PHLDB2: variants seen among roughly 807,000 people sequenced by gnomAD.
PHLDB2 encodes the protein pleckstrin homology-like domain family B member 2.
A neutral mutation model predicts 123.6 loss-of-function variants in PHLDB2; 71 were observed. The ratio of observed to expected loss-of-function variants is 0.57; its 90% CI spans 0.47 to 0.70. The LOEUF (loss-of-function observed/expected upper bound fraction) is 0.70, where lower values mean the gene tolerates loss of function less well. PHLDB2 is among the 30% of genes least tolerant of loss of function. PHLDB2 has a pLI of 0.00. For synonymous variants in PHLDB2, 547 were observed against 541.6 expected (o/e 1.01, Z -0.14); for missense variants, 1,446 against 1,519.5 (o/e 0.95, Z 0.80).
At chr3:111,959,082 AT>A (rs1185188222) in intron 12 of PHLDB2, among the ~76,000 whole-genome samples, 1 of 152,240 alleles carries the variant, frequency 6.6e-6, no homozygotes, top group Non-Finnish European at 1.5e-5. Context: ...CTGCACCAGC[AT>A]CTCTCCTTGG....
At chr3:111,817,836 A>G (rs2062165236) in intron 1 of PHLDB2, among the ~76,000 whole-genome samples, 1 of 152,202 alleles carries the variant, frequency 6.6e-6, no homozygotes, top group African/African-American at 2.4e-5. Context: ...GCAGAAATGA[A>G]AGTGAGTTTT....
upstream of PHLDB2, among the ~76,000 whole-genome samples, chr3:111,854,745 A>G (rs763997064): frequency 1.3e-5 from 2 of 152,254 alleles, no homozygotes; most frequent in African/African-American, 2.4e-5. Context: ...CTGAAAAGCC[A>G]AAGAAAGAGG....
intron 2 of PHLDB2, among the ~76,000 whole-genome samples, chr3:111,888,198 G>A (rs1387903961): frequency 6.6e-6 from 1 of 151,812 alleles, no homozygotes; most frequent in African/African-American, 2.4e-5. Flanking sequence ...CTTAAGGAAG[G>A]GCAACTTTCT....
intron 2 of PHLDB2, among the ~76,000 whole-genome samples, chr3:111,890,908 C>T (rs1211903359): frequency 6.6e-6 from 1 of 151,928 alleles, no homozygotes. Flanking sequence ...TCATTTTTGC[C>T]AGCCTTTTCG....
chr3:111,941,033 C>T (rs1479551926), intron 8 of PHLDB2, among the ~76,000 whole-genome samples: 1 of 152,148 alleles, frequency 6.6e-6, no homozygotes, highest in Non-Finnish European at 1.5e-5. Context: ...AATATTTTGG[C>T]CCAGCTGATC....
rs139316561 is a variant in PHLDB2 at position 111,805,392 on chromosome 3, T to C, written c.-48-40429T>C. 5.1e-3 allele frequency among the ~76,000 whole-genome samples: 774 copies of C among 151,428 alleles called. 8 individuals carry two copies. Among genetic ancestry groups the C allele is most frequent in the African/African-American group, 0.018 (747 of 41,236 alleles). ...TGGCTAACATGGTGAAACCCCGTCT[T>C]TACTAAAAATACAAAAAAATTAGCT... On this transcript the variant is annotated intron_variant, in intron 1 of 17. Transcript: ENST00000393923.
intron 1 of PHLDB2, among the ~76,000 whole-genome samples, chr3:111,882,665 G>A (rs1171467801): frequency 1.3e-5 from 2 of 152,186 alleles, no homozygotes; most frequent in Non-Finnish European, 2.9e-5. Context: ...GGACAGTTGG[G>A]TACCTGGCCC....
chr3:111,867,472 T>G (rs75707527), intron 1 of PHLDB2, among the ~76,000 whole-genome samples: 10,158 of 152,258 alleles, frequency 0.067, 482 homozygotes, highest in East Asian at 0.098. Context: ...GCTTCAACAA[T>G]TATTTATATA....
intron 1 of PHLDB2, among the ~76,000 whole-genome samples, chr3:111,766,511 A>G (rs1458587005): frequency 6.6e-6 from 1 of 152,316 alleles, no homozygotes; most frequent in Non-Finnish European, 1.5e-5. Flanking sequence ...CGTGCATAAA[A>G]AGAGTTTTGC....
chr3:111,926,710 T>A (rs1277713982), intron 5 of PHLDB2, among the ~76,000 whole-genome samples: 1 of 152,196 alleles, frequency 6.6e-6, no homozygotes, highest in African/African-American at 2.4e-5. Context: ...AGAGAATGGT[T>A]GGTTACTCAA....
At chr3:111,952,076 T>G (rs558132877) in intron 10 of PHLDB2, among the ~76,000 whole-genome samples, 1 of 152,354 alleles carries the variant, frequency 6.6e-6, no homozygotes, top group South Asian at 2.1e-4. Flanking sequence ...GGAAACTTTA[T>G]GTGGATTTGG....
chr3:111,911,851 A>G (rs1334517221), intron 2 of PHLDB2: 2 of 777,138 alleles, frequency 2.6e-6, no homozygotes, highest in East Asian at 5.4e-5. Flanking sequence ...CTGTCTTGTC[A>G]TTTGAGTAAT....
In PHLDB2 at chr3:111,970,050, T is replaced by C. The variant is rs1398234274; in HGVS notation, c.3535+141T>C. The C allele has an allele frequency of 8.4e-6, 6 of 711,284 alleles. No homozygotes were observed. The South Asian group carries it at 1.1e-4, about 13-fold the overall frequency. 44.1% of individuals were successfully genotyped at this position (711,284 alleles called of 1,614,324 possible). ...CAATATTAGATTTGTAGGTGTACATTATTTTATATTTAGATTATATAGTCC... is the reference window on the plus strand; with the variant it reads ...CAATATTAGATTTGTAGGTGTACATCATTTTATATTTAGATTATATAGTCC... On this transcript the variant is annotated intron_variant, in intron 16 of 17. Transcript: ENST00000431670.
chr3:111,793,828 A>T (rs1471001102), intron 1 of PHLDB2, among the ~76,000 whole-genome samples: 1 of 151,576 alleles, frequency 6.6e-6, no homozygotes, highest in African/African-American at 2.4e-5. Context: ...AGAACCTGGA[A>T]TGGGGGCCTC....
At chr3:111,738,484 AC>A (rs1364081447) in intron 1 of PHLDB2, among the ~76,000 whole-genome samples, 2 of 152,088 alleles carry the variant, frequency 1.3e-5, no homozygotes, top group Admixed American at 1.3e-4. Context: ...ACAATCATCT[AC>A]TCTTTCCCAG....
At chr3:111,839,904 A>G (rs2063595433) in intron 1 of PHLDB2, among the ~76,000 whole-genome samples, 1 of 143,320 alleles carries the variant, frequency 7.0e-6, no homozygotes, top group Admixed American at 6.9e-5. Context: ...TATCAGGAAT[A>G]GGAATTGAGT....
intron 1 of PHLDB2, among the ~76,000 whole-genome samples, chr3:111,756,634 T>C (rs974717097): frequency 2.0e-5 from 3 of 152,094 alleles, no homozygotes; most frequent in Non-Finnish European, 4.4e-5. Context: ...AATTGGAGCA[T>C]TTAGTCCATT....
intron 1 of PHLDB2, among the ~76,000 whole-genome samples, chr3:111,862,388 T>G (rs2064876037): frequency 6.6e-6 from 1 of 152,192 alleles, no homozygotes; most frequent in Non-Finnish European, 1.5e-5. Flanking sequence ...TATCTTAAAG[T>G]CCTGACATAC....
chr3:111,858,762 CTCT>C (rs1029481287), upstream of PHLDB2, among the ~76,000 whole-genome samples: 3 of 152,248 alleles, frequency 2.0e-5, no homozygotes, highest in Middle Eastern at 3.4e-3. Context: ...CTTCGTTGTG[CTCT>C]TCTTTGCTGG....
Sources: allele counts gnomAD v4.1 joint callset (sites outside exome capture counted in the v4.1 genomes callset), GRCh38; gene constraint gnomAD v4.1.1; transcripts MANE v1.5; gene names NCBI Gene and HGNC (gene_info 2026-07-23, HGNC 2026-07-21).